The following ERBB4 variants were observed in gnomAD, a reference collection of about 807,000 sequenced individuals.
ERBB4 encodes the protein receptor tyrosine-protein kinase erbB-4.
A neutral mutation model predicts 158.0 loss-of-function variants in ERBB4; 42 were observed. The observed-to-expected ratio is 0.27, with a 90% CI of 0.21 to 0.34. The LOEUF (loss-of-function observed/expected upper bound fraction) is 0.34. ERBB4 is among the 10% of genes least tolerant of loss of function. The probability of loss-of-function intolerance (pLI) is 1.00; values close to 1 mark genes in which losing one functional copy is unlikely to be tolerated. For synonymous variants in ERBB4, 583 were observed against 558.7 expected, an observed-to-expected ratio of 1.04 and a Z score of -0.61; for missense variants, 1,333 against 1,624.1, an observed-to-expected ratio of 0.82 and a Z score of 3.08.
intron 3 of ERBB4, among the ~76,000 whole-genome samples, chr2:211,805,904 T>C (rs2076601808): frequency 6.6e-6 from 1 of 150,936 alleles, no homozygotes; most frequent in African/African-American, 2.4e-5. Flanking sequence ...ATATAATATT[T>C]AACAAAATTG....
At chr2:211,557,998 T>C (rs192099056) in intron 20 of ERBB4, among the ~76,000 whole-genome samples, 7 of 152,238 alleles carry the variant, frequency 4.6e-5, no homozygotes, top group Admixed American at 4.6e-4. Context: ...CCATTATCCT[T>C]AGCAAACTAA....
intron 1 of ERBB4, among the ~76,000 whole-genome samples, chr2:212,308,500 G>T (rs1345980632): frequency 6.6e-6 from 1 of 150,974 alleles, no homozygotes; most frequent in Non-Finnish European, 1.5e-5. Flanking sequence ...AAAAGGTTCT[G>T]AAGAAGCTTT....
At chr2:212,164,301 AAAC>A (rs1332655013) in intron 1 of ERBB4, among the ~76,000 whole-genome samples, 1 of 151,900 alleles carries the variant, frequency 6.6e-6, no homozygotes, top group African/African-American at 2.4e-5. Context: ...ATTTTTAAAA[AAAC>A]AACAAAATAT....
intron 16 of ERBB4, among the ~76,000 whole-genome samples, chr2:211,644,340 G>A (rs2070707468): frequency 6.6e-6 from 1 of 151,740 alleles, no homozygotes; most frequent in Non-Finnish European, 1.5e-5. Flanking sequence ...CCCCTAATTA[G>A]AACACATTTC....
intron 3 of ERBB4, among the ~76,000 whole-genome samples, chr2:211,838,233 A>T (rs1025354426): frequency 1.3e-5 from 2 of 151,892 alleles, no homozygotes; most frequent in Non-Finnish European, 2.9e-5. Flanking sequence ...AATTTCTGTG[A>T]GTGTGTGTCA....
chr2:212,051,221 G>C (rs1376498265), intron 2 of ERBB4, among the ~76,000 whole-genome samples: 2 of 151,856 alleles, frequency 1.3e-5, no homozygotes, highest in Non-Finnish European at 1.5e-5. Context: ...TGTTCTGCTT[G>C]GGATTTCATA....
chr2:211,788,492 T>G (rs1482788365), intron 3 of ERBB4, among the ~76,000 whole-genome samples: 1 of 152,118 alleles, frequency 6.6e-6, no homozygotes, highest in East Asian at 1.9e-4. Flanking sequence ...TATAACCTGC[T>G]TGTTTAGTTT....
intron 1 of ERBB4, among the ~76,000 whole-genome samples, chr2:212,351,089 T>C (rs1224715818): frequency 6.6e-6 from 1 of 152,148 alleles, no homozygotes; most frequent in Non-Finnish European, 1.5e-5. Context: ...GAGATTCTAC[T>C]TGGAGTATGT....
Position 212,198,056 on chromosome 2 carries a change from G to A in ERBB4, c.83-73153C>T, listed in dbSNP as rs540451838. 1.4e-4 allele frequency among the ~76,000 whole-genome samples: 22 copies of A among 152,206 alleles called. 1 individual carries two copies. The East Asian group carries it at 1.7e-3, about 12-fold the overall frequency. On this transcript the variant is annotated intron_variant, in intron 1 of 27. Coordinates refer to ENST00000342788, the MANE Select transcript of ERBB4 (RefSeq NM_005235.3). ...AAACTCAAGTGATACATAATATGCC[G>A]TAATGTATAGAAAAGAATGCTCATA...
At chr2:212,209,507 G>A (rs1484507723) in intron 1 of ERBB4, among the ~76,000 whole-genome samples, 3 of 152,032 alleles carry the variant, frequency 2.0e-5, no homozygotes, top group Non-Finnish European at 2.9e-5. Flanking sequence ...TCTCAGTGAT[G>A]CACCAGAGAC....
chr2:211,710,031 C>T (rs1273638809), intron 9 of ERBB4, among the ~76,000 whole-genome samples: 1 of 151,954 alleles, frequency 6.6e-6, no homozygotes, highest in Non-Finnish European at 1.5e-5. Context: ...TTTTATTGTA[C>T]CTTACTTTTT....
intron 2 of ERBB4, among the ~76,000 whole-genome samples, chr2:212,075,215 C>T (rs1182943816): frequency 6.6e-6 from 1 of 151,548 alleles, no homozygotes; most frequent in Admixed American, 6.6e-5. Context: ...TAATTAATGG[C>T]TTTAGTTAAT....
At chr2:212,434,851 G>C (rs1216723112) in intron 1 of ERBB4, among the ~76,000 whole-genome samples, 3 of 151,816 alleles carry the variant, frequency 2.0e-5, no homozygotes, top group African/African-American at 4.8e-5. Context: ...CCTGCCTATT[G>C]GATAAAAATG....
At chr2:212,244,371 CAT>C (rs1196347519) in intron 1 of ERBB4, among the ~76,000 whole-genome samples, 1 of 152,078 alleles carries the variant, frequency 6.6e-6, no homozygotes, top group Non-Finnish European at 1.5e-5. Flanking sequence ...ATTCACGGGT[CAT>C]GACAGGAGCA....
intron 3 of ERBB4, among the ~76,000 whole-genome samples, chr2:211,939,966 A>AATATATAT (rs66854420): frequency 2.9e-5 from 4 of 137,386 alleles, no homozygotes; most frequent in Non-Finnish European, 6.1e-5. Context: ...GGAAAAAAAA[A>AATATATAT]ATATATATAT....
intron 2 of ERBB4, among the ~76,000 whole-genome samples, chr2:211,973,867 G>A (rs550525392): frequency 3.5e-4 from 53 of 152,240 alleles, no homozygotes; most frequent in African/African-American, 1.3e-3. Flanking sequence ...TAAAAAAAAT[G>A]TGGGACATGT....
intron 1 of ERBB4, among the ~76,000 whole-genome samples, chr2:212,384,912 T>C (rs2090624364): frequency 1.4e-5 from 2 of 140,772 alleles, no homozygotes; most frequent in African/African-American, 5.5e-5. Flanking sequence ...TATATATATA[T>C]ATATATATAC....
intron 1 of ERBB4, among the ~76,000 whole-genome samples, chr2:212,139,608 T>C (rs1246359966): frequency 6.6e-6 from 1 of 151,394 alleles, no homozygotes; most frequent in African/African-American, 2.4e-5. Context: ...CAATTGTACG[T>C]TTTAAATTAA....
chr2:211,488,518 AGTATAAT>A (rs1380351622), intron 20 of ERBB4, among the ~76,000 whole-genome samples: 1 of 152,158 alleles, frequency 6.6e-6, no homozygotes, highest in Non-Finnish European at 1.5e-5. Flanking sequence ...ATTTAAGAAA[AGTATAAT>A]GTGAAGCCTC....
Sources: gnomAD v4.1 joint callset for allele counts (sites outside exome capture counted in the v4.1 genomes callset) on GRCh38, gnomAD v4.1.1 for gene constraint, MANE v1.5 for transcripts, NCBI Gene and HGNC (gene_info 2026-07-23, HGNC 2026-07-21) for gene names.